The following PCDHA11 variants were observed in gnomAD, a reference collection of about 807,000 sequenced individuals.
The protein encoded by PCDHA11 is protocadherin alpha-11.
In PCDHA11, 61 loss-of-function variants were observed where a neutral mutation model predicts 70.3. The observed-to-expected ratio is 0.87, with a 90% CI of 0.71 to 1.07. PCDHA11 has a LOEUF of 1.07. PCDHA11 is among the 50% of genes least tolerant of loss of function. The pLI, the probability that PCDHA11 is intolerant of heterozygous loss-of-function variation, is 0.00. For synonymous variants in PCDHA11, 633 were observed against 555.1 expected (o/e 1.14, Z -1.97); for missense variants, 1,324 against 1,237.5 (o/e 1.07, Z -1.05).
chr5:140,922,498 G>C (rs2080865421), intron 1 of PCDHA11, among the ~76,000 whole-genome samples: 1 of 152,230 alleles, frequency 6.6e-6, no homozygotes, highest in African/African-American at 2.4e-5. Context: ...CTGAGAGTGA[G>C]CAGATGCACC....
chr5:140,905,580 T>C (rs2071928885), intron 1 of PCDHA11, among the ~76,000 whole-genome samples: 1 of 152,168 alleles, frequency 6.6e-6, no homozygotes, highest in Non-Finnish European at 1.5e-5. Flanking sequence ...AGAATGATAA[T>C]GATATTTTGC....
At position 140,970,091 on chromosome 5, in the gene PCDHA11, G is replaced by A. The variant is rs542039822; in HGVS notation, c.2392-8858G>A. ...AATGAGTGGATTAGGGGTGTGGGGG[G>A]ATGGTGAAGACCAAGAGAAGCTGGG... On this transcript the variant is annotated intron_variant, in intron 1 of 3. Coordinates refer to ENST00000398640, the MANE Select transcript of PCDHA11 (RefSeq NM_018902.5). 3.9e-4 allele frequency among the ~76,000 whole-genome samples: 59 copies of A among 152,258 alleles called. 1 individual carries two copies. Among genetic ancestry groups the A allele is most frequent in the Admixed American group, 1.1e-3 (17 of 15,292 alleles).
chr5:140,875,989 A>G (rs782628581), intron 1 of PCDHA11: 1 of 1,613,992 alleles, frequency 6.2e-7, no homozygotes, highest in South Asian at 1.1e-5. Flanking sequence ...CTATGCGTTA[A>G]GTCTAAATGA....
chr5:140,899,197 A>G (rs1300452676), intron 1 of PCDHA11, among the ~76,000 whole-genome samples: 2 of 152,018 alleles, frequency 1.3e-5, no homozygotes, highest in Admixed American at 6.6e-5. Context: ...TCTCCTGCCT[A>G]ATTGCCCTGG....
intron 3 of PCDHA11, among the ~76,000 whole-genome samples, chr5:140,997,495 C>T (rs1255911617): frequency 6.6e-6 from 1 of 152,078 alleles, no homozygotes; most frequent in East Asian, 1.9e-4. Context: ...ATTTGTGTAT[C>T]TCAACATACC....
intron 1 of PCDHA11, among the ~76,000 whole-genome samples, chr5:140,919,230 A>G (rs56002): frequency 0.32 from 48,085 of 151,928 alleles, 7,955 homozygotes; most frequent in East Asian, 0.53. Flanking sequence ...TTCTAGTAAC[A>G]CTTTTTGTCT....
intron 1 of PCDHA11, among the ~76,000 whole-genome samples, chr5:140,961,995 TG>T (rs2095649493): frequency 1.3e-5 from 2 of 152,062 alleles, no homozygotes; most frequent in African/African-American, 4.8e-5. Flanking sequence ...GCCATTGTCC[TG>T]CCTCAGCTTC....
intron 3 of PCDHA11, among the ~76,000 whole-genome samples, chr5:141,005,531 G>A (rs1441846175): frequency 1.3e-5 from 2 of 151,072 alleles, no homozygotes; most frequent in African/African-American, 4.9e-5. Context: ...GTGAAACCCC[G>A]TCTCTACTAA....
intron 1 of PCDHA11, among the ~76,000 whole-genome samples, chr5:140,937,911 CA>C (rs200797202): frequency 0.5 from 59,181 of 117,836 alleles, 12,230 homozygotes; most frequent in African/African-American, 0.63. Flanking sequence ...GACTCCGTCT[CA>C]AAAAAAAAAA....
chr5:140,942,906 G>A (rs1454697434), intron 1 of PCDHA11, among the ~76,000 whole-genome samples: 1 of 151,800 alleles, frequency 6.6e-6, no homozygotes, highest in South Asian at 2.1e-4. Flanking sequence ...CTAAGAATAA[G>A]CGTGAAGAAA....
chr5:140,972,829 A>G (rs1554234573), intron 1 of PCDHA11, among the ~76,000 whole-genome samples: 1 of 151,808 alleles, frequency 6.6e-6, no homozygotes, highest in Non-Finnish European at 1.5e-5. Flanking sequence ...ACGCCTGGCT[A>G]ATTTTTGTAT....
chr5:140,954,297 C>G (rs1369831854), intron 1 of PCDHA11, among the ~76,000 whole-genome samples: 1 of 152,298 alleles, frequency 6.6e-6, no homozygotes, highest in African/African-American at 2.4e-5. Context: ...TGGGTACATA[C>G]CCAGTAATGG....
intron 1 of PCDHA11, among the ~76,000 whole-genome samples, chr5:140,964,622 T>C (rs1435749865): frequency 2.0e-5 from 3 of 152,048 alleles, no homozygotes; most frequent in Non-Finnish European, 4.4e-5. Flanking sequence ...ATTCCACTTA[T>C]AAGCCATTTA....
chr5:140,881,743 A>C (rs964884426), intron 1 of PCDHA11, among the ~76,000 whole-genome samples: 4 of 152,182 alleles, frequency 2.6e-5, no homozygotes, highest in African/African-American at 9.7e-5. Flanking sequence ...CAGGAAGAGG[A>C]CAGTACCACA....
At chr5:140,965,838 T>C (rs1486782697) in intron 1 of PCDHA11, among the ~76,000 whole-genome samples, 5 of 152,204 alleles carry the variant, frequency 3.3e-5, no homozygotes, top group African/African-American at 1.2e-4. Flanking sequence ...ATATTGGTTA[T>C]TTGCCAAGGC....
chr5:140,870,352 G>C lies in PCDHA11; in HGVS notation c.1249G>C (p.Val417Leu). 5.0e-6 allele frequency: 8 copies of C among 1,614,226 alleles called. No homozygotes were observed. The highest frequency in any genetic ancestry group is 5.9e-6 in the Non-Finnish European group (7 of 1,180,034). Residue 417 changes from valine to leucine, a missense_variant, in exon 1 of 4, where the codon GTG (valine) becomes CTG (leucine). Coordinates refer to ENST00000398640, the MANE Select transcript of PCDHA11 (RefSeq NM_018902.5). ...VLDSALDRENVWAYELVVTAR... is the reference protein window; with the variant it reads ...VLDSALDRENLWAYELVVTAR... ...GGACAGCGCCCTGGACCGCGAGAAC[G>C]TGTGGGCCTATGAACTGGTGGTGAC... is the stretch of plus-strand genomic sequence containing the variant.
chr5:140,998,070 G>T (rs2097795700), intron 3 of PCDHA11, among the ~76,000 whole-genome samples: 1 of 152,050 alleles, frequency 6.6e-6, no homozygotes, highest in Admixed American at 6.6e-5. Context: ...AACAGACTTA[G>T]CCTCTGCAGT....
At chr5:140,894,151 A>G (rs1554185957) in intron 1 of PCDHA11, among the ~76,000 whole-genome samples, 1 of 152,034 alleles carries the variant, frequency 6.6e-6, no homozygotes, top group Non-Finnish European at 1.5e-5. Flanking sequence ...CTTCTATGTA[A>G]TTATCCCTGA....
At chr5:140,945,349 T>G (rs578151486) in intron 1 of PCDHA11, among the ~76,000 whole-genome samples, 43 of 152,144 alleles carry the variant, frequency 2.8e-4, no homozygotes, top group Non-Finnish European at 4.9e-4. Context: ...TTGGAAAAAT[T>G]AATACTGTTT....
Sources: gnomAD v4.1 joint callset for allele counts (sites outside exome capture counted in the v4.1 genomes callset) on GRCh38, gnomAD v4.1.1 for gene constraint, MANE v1.5 for transcripts, NCBI Gene and HGNC (gene_info 2026-07-23, HGNC 2026-07-21) for gene names.